The following RNLS variants were observed in gnomAD, a reference collection of about 807,000 sequenced individuals.
The protein encoded by RNLS is renalase, FAD dependent amine oxidase, also known as renalase.
RNLS carries 39 observed loss-of-function variants against 39.8 expected under a neutral mutation model. That is an observed-to-expected ratio of 0.98 (90% CI 0.76 to 1.28). RNLS has a LOEUF of 1.28. RNLS is among the 50% of genes most tolerant of loss of function. The pLI is 0.00. For missense variants in RNLS, 410 were observed against 413.3 expected (o/e 0.99, Z 0.07); for synonymous variants, 147 against 150.7 (o/e 0.98, Z 0.18).
At chr10:88,367,758 A>G (rs1287597164) in intron 4 of RNLS, among the ~76,000 whole-genome samples, 1 of 152,126 alleles carries the variant, frequency 6.6e-6, no homozygotes, top group African/African-American at 2.4e-5. Flanking sequence ...TTTGTATTCC[A>G]TGGTGACTAA....
intron 5 of RNLS, among the ~76,000 whole-genome samples, chr10:88,357,924 C>T (rs1447624243): frequency 6.6e-6 from 1 of 152,190 alleles, no homozygotes; most frequent in Non-Finnish European, 1.5e-5. Flanking sequence ...ACCTATCAAT[C>T]ACAAACACCT....
At chr10:88,319,676 C>T (rs1157487646) in intron 5 of RNLS, among the ~76,000 whole-genome samples, 3 of 151,720 alleles carry the variant, frequency 2.0e-5, no homozygotes, top group Non-Finnish European at 4.4e-5. Flanking sequence ...CCTAGACAAG[C>T]AGAAGAAAGA....
intron 4 of RNLS, among the ~76,000 whole-genome samples, chr10:88,388,876 T>C (rs1301224663): frequency 1.3e-5 from 2 of 152,140 alleles, no homozygotes; most frequent in Non-Finnish European, 2.9e-5. Context: ...ACTCAATAAC[T>C]ATGTGTCGAA....
At chr10:88,265,326 T>A in the RNLS span, among the ~76,000 whole-genome samples, 1 of 57,760 alleles carries the variant, frequency 1.7e-5, no homozygotes, top group Non-Finnish European at 3.6e-5. Context: ...GGTTTTTCTT[T>A]TTTTTTTTTT....
intron 4 of RNLS, among the ~76,000 whole-genome samples, chr10:88,562,074 T>C (rs567104070): frequency 2.2e-5 from 1 of 45,466 alleles, no homozygotes; most frequent in South Asian, 8.1e-4. Flanking sequence ...CAAACAGGCA[T>C]TGTCAAACGT....
intron 4 of RNLS, among the ~76,000 whole-genome samples, chr10:88,424,607 T>A (rs1854608390): frequency 6.6e-6 from 1 of 152,014 alleles, no homozygotes; most frequent in Non-Finnish European, 1.5e-5. Context: ...TAAAAACAAA[T>A]GGGACTTGAT....
chr10:88,393,296 T>C (rs984141578), intron 4 of RNLS, among the ~76,000 whole-genome samples: 5 of 151,960 alleles, frequency 3.3e-5, no homozygotes, highest in African/African-American at 1.2e-4. Context: ...GAAAACCCCA[T>C]CGTCTCAGCC....
At chr10:88,486,754 T>C (rs533423809) in intron 4 of RNLS, among the ~76,000 whole-genome samples, 40 of 152,140 alleles carry the variant, frequency 2.6e-4, no homozygotes, top group African/African-American at 9.6e-4. Flanking sequence ...CACTTATACA[T>C]TGTTGGTGGG....
At chr10:88,198,024 C>A in the RNLS span, among the ~76,000 whole-genome samples, 1 of 152,166 alleles carries the variant, frequency 6.6e-6, no homozygotes, top group Non-Finnish European at 1.5e-5. Flanking sequence ...CTATCATCTC[C>A]ATTTTCCAGC....
intron 6 of RNLS, among the ~76,000 whole-genome samples, chr10:88,289,927 T>C (rs1843546189): frequency 6.6e-6 from 1 of 152,156 alleles, no homozygotes; most frequent in African/African-American, 2.4e-5. Flanking sequence ...ATGTATTAAG[T>C]TGAACCACAT....
intron 3 of RNLS, among the ~76,000 whole-genome samples, chr10:88,578,469 A>T (rs539714394): frequency 7.2e-5 from 11 of 152,142 alleles, no homozygotes; most frequent in Non-Finnish European, 1.0e-4. Context: ...TTTAAAAGGG[A>T]TATAATTATA....
At chr10:88,261,349 T>C in the RNLS span, among the ~76,000 whole-genome samples, 6 of 152,208 alleles carry the variant, frequency 3.9e-5, no homozygotes, top group Admixed American at 3.9e-4. Flanking sequence ...GGCTTAGTTA[T>C]GCTGCAGTAA....
At chr10:88,485,267 A>T (rs1370619877) in intron 4 of RNLS, among the ~76,000 whole-genome samples, 2 of 152,008 alleles carry the variant, frequency 1.3e-5, no homozygotes, top group African/African-American at 2.4e-5. Flanking sequence ...AAGACAGACA[A>T]TCAGGTCAAT....
At chr10:88,425,114 T>C (rs971718105) in intron 4 of RNLS, among the ~76,000 whole-genome samples, 1 of 152,130 alleles carries the variant, frequency 6.6e-6, no homozygotes, top group African/African-American at 2.4e-5. Flanking sequence ...AGCATGTTAC[T>C]GAAAGTTTTG....
intron 3 of RNLS, among the ~76,000 whole-genome samples, chr10:88,578,886 T>C (rs962566511): frequency 1.3e-5 from 2 of 152,206 alleles, no homozygotes; most frequent in Non-Finnish European, 2.9e-5. Context: ...CTTGTATCAT[T>C]AGTACCTAGA....
intron 4 of RNLS, among the ~76,000 whole-genome samples, chr10:88,465,745 TTATTTCTAC>T (rs1233090149): frequency 6.6e-6 from 1 of 152,118 alleles, no homozygotes; most frequent in African/African-American, 2.4e-5. Flanking sequence ...CTTTATTTAT[TTATTTCTAC>T]TATTAGTAGT....
Position 88,339,889 on chromosome 10 carries a change from GCTGTGAGGCAGAC to G in RNLS, c.700+22650_700+22662del, listed in dbSNP as rs562123808. On this transcript the variant is annotated intron_variant, in intron 5 of 6. Transcript: ENST00000331772. ...AGAGGGAGGCAGAAGCTGATGTTGG[GCTGTGAGGCAGAC>G]CTGTGAGGCAGATCCATGGTTTCCC... 1.3e-3 allele frequency among the ~76,000 whole-genome samples: 205 copies of G among 152,292 alleles called. 1 individual carries two copies. Among genetic ancestry groups the G allele is most frequent in the African/African-American group, 4.7e-3 (195 of 41,550 alleles).
At chr10:88,205,350 C>T in the RNLS span, among the ~76,000 whole-genome samples, 1 of 152,012 alleles carries the variant, frequency 6.6e-6, no homozygotes, top group African/African-American at 2.4e-5. Context: ...ATAATGAAGT[C>T]CCAAATTCCT....
the RNLS span, among the ~76,000 whole-genome samples, chr10:88,226,817 A>G: frequency 1.4e-5 from 2 of 146,050 alleles, no homozygotes; most frequent in African/African-American, 5.1e-5. Flanking sequence ...TTAAAAGGGG[A>G]AAAATACCAT....
Sources: gnomAD v4.1 joint callset for allele counts (sites outside exome capture counted in the v4.1 genomes callset) on GRCh38, gnomAD v4.1.1 for gene constraint, MANE v1.5 for transcripts, NCBI Gene and HGNC (gene_info 2026-07-23, HGNC 2026-07-21) for gene names.